The following CDH12 variants were observed in gnomAD, a reference collection of about 807,000 sequenced individuals.
CDH12 encodes the protein cadherin-12.
In CDH12, 41 loss-of-function variants were observed where a neutral mutation model predicts 74.1. The observed-to-expected ratio is 0.55, with a 90% confidence interval of 0.43 to 0.72. The LOEUF is 0.72. Ranked by LOEUF, CDH12 falls within the 30% of genes least tolerant of loss-of-function variation. The pLI is 0.00. For missense variants in CDH12, 945 were observed against 977.2 expected, an observed-to-expected ratio of 0.97 and a Z score of 0.44; for synonymous variants, 399 against 355.0, an observed-to-expected ratio of 1.12 and a Z score of -1.39.
At position 21,751,948 on chromosome 5, in the gene CDH12, T is replaced by A. The variant is rs770146101; in HGVS notation, c.2174A>T (p.Asp725Val). The A allele has an allele frequency of 6.2e-7, 1 of 1,614,086 alleles. No individual in the cohort carries two copies. Among genetic ancestry groups the A allele is most frequent in the Non-Finnish European group, 8.5e-7 (1 of 1,179,990 alleles). Residue 725 changes from aspartate to valine, a missense_variant, in exon 15 of 15, where the codon GAT becomes GTT. Coordinates refer to ENST00000382254, the MANE Select transcript of CDH12 (RefSeq NM_004061.5). The stretch of plus-strand genomic sequence containing the variant: ...GTATGGTGGGGCAGTTGGATCCACA[T>A]CATTTTCCTGTAGCCTTTGATGAAT... ...DFIHQRLQEN[D>V]VDPTAPPYDS... is the part of the protein sequence containing the mutation.
At chr5:22,535,402 C>T (rs918394254) in intron 1 of CDH12, among the ~76,000 whole-genome samples, 2 of 151,982 alleles carry the variant, frequency 1.3e-5, no homozygotes, top group Non-Finnish European at 2.9e-5. Context: ...GTGATCCGCC[C>T]GCCTTGGCCT....
At chr5:22,201,833 C>T (rs911722009) in intron 4 of CDH12, among the ~76,000 whole-genome samples, 9 of 151,984 alleles carry the variant, frequency 5.9e-5, no homozygotes, top group South Asian at 2.1e-4. Context: ...AATATGGTAA[C>T]GCGGCCATAA....
intron 3 of CDH12, among the ~76,000 whole-genome samples, chr5:22,235,915 G>C (rs1471214105): frequency 3.3e-5 from 5 of 152,180 alleles, no homozygotes; most frequent in Non-Finnish European, 7.3e-5. Flanking sequence ...GGGCTATATG[G>C]TGTACTCTAT....
chr5:22,573,640 T>C (rs747488692), intron 1 of CDH12, among the ~76,000 whole-genome samples: 2 of 152,198 alleles, frequency 1.3e-5, no homozygotes, highest in Non-Finnish European at 1.5e-5. Context: ...GGTAAAATTA[T>C]ATTGATCTTT....
At chr5:22,435,781 T>C (rs1317448508) in intron 2 of CDH12, among the ~76,000 whole-genome samples, 1 of 151,970 alleles carries the variant, frequency 6.6e-6, no homozygotes, top group Non-Finnish European at 1.5e-5. Context: ...GACCCTGCAC[T>C]TGATGGATCA....
At chr5:21,845,030 GAT>G (rs1491156997) in intron 7 of CDH12, among the ~76,000 whole-genome samples, 8 of 149,496 alleles carry the variant, frequency 5.4e-5, no homozygotes, top group African/African-American at 2.0e-4. Context: ...TAGATAGATA[GAT>G]AGATTAGATT....
intron 5 of CDH12, among the ~76,000 whole-genome samples, chr5:21,989,023 G>A (rs866123275): frequency 1.2e-4 from 18 of 152,112 alleles, no homozygotes; most frequent in African/African-American, 3.6e-4. Context: ...TGGATTGGAC[G>A]TTATAGCCAT....
Position 22,706,284 on chromosome 5 carries a change from T to A in CDH12, c.-523+146774A>T, listed in dbSNP as rs1199945176. ...GCTTCTGTTTATAACTTACAATTAT[T>A]CCCTTGATTATCTTTCTAAAAAGAA... On this transcript the variant is annotated intron_variant, in intron 1 of 14. Coordinates refer to ENST00000382254, the MANE Select transcript of CDH12 (RefSeq NM_004061.5). Among the ~76,000 whole-genome samples the A allele has an allele frequency of 2.0e-5, 3 of 152,210 alleles. No individual in the cohort carries two copies. In the East Asian group the frequency reaches 5.8e-4, roughly 29 times the overall value.
chr5:22,401,798 G>A (rs145278903), intron 3 of CDH12, among the ~76,000 whole-genome samples: 6 of 152,132 alleles, frequency 3.9e-5, no homozygotes, highest in Admixed American at 1.3e-4. Flanking sequence ...TCCAATAAGA[G>A]TATCTTTGTA....
intron 1 of CDH12, among the ~76,000 whole-genome samples, chr5:22,529,107 T>C (rs1055811663): frequency 9.2e-6 from 1 of 108,184 alleles, no homozygotes; most frequent in Non-Finnish European, 2.0e-5. Context: ...AATATATGCA[T>C]ATATATGCAT....
At chr5:22,401,905 G>A (rs1742745327) in intron 3 of CDH12, among the ~76,000 whole-genome samples, 1 of 152,176 alleles carries the variant, frequency 6.6e-6, no homozygotes, top group South Asian at 2.1e-4. Context: ...ACAAGCCAAG[G>A]AACATGAGGG....
intron 5 of CDH12, among the ~76,000 whole-genome samples, chr5:22,003,676 C>T (rs1736742756): frequency 6.6e-6 from 1 of 151,940 alleles, no homozygotes; most frequent in Non-Finnish European, 1.5e-5. Context: ...AAATACTTCA[C>T]TACCACACAG....
chr5:22,184,613 A>G (rs4555751), intron 4 of CDH12, among the ~76,000 whole-genome samples: 12,309 of 152,272 alleles, frequency 0.081, 770 homozygotes, highest in African/African-American at 0.18. Context: ...ATGCTGAGAA[A>G]GAAAGAATGG....
Position 21,817,119 on chromosome 5 carries a change from C to T in CDH12, c.828G>A (p.Leu276=), listed in dbSNP as rs910105365. ...PPRFPKSIFH[L]KVPESSPIGS... is the part of the protein sequence containing the mutation. ...CAATAGGGGAAGACTCAGGAACTTT[C>T]AAGTGGAAGATGCCTGATAAGACAT... Residue 276 remains leucine, a synonymous_variant, in exon 9 of 15, where the codon TTG becomes TTA. Transcript: ENST00000382254. The T allele has an allele frequency of 4.4e-6, 7 of 1,608,368 alleles. No individual in the cohort carries two copies. The highest frequency in any genetic ancestry group is 5.1e-6 in the Non-Finnish European group (6 of 1,177,238).
At chr5:21,769,430 G>A (rs1745202756) in intron 11 of CDH12, among the ~76,000 whole-genome samples, 2 of 152,014 alleles carry the variant, frequency 1.3e-5, no homozygotes, top group Admixed American at 6.6e-5. Context: ...GGAGATAAAT[G>A]TAAAATGACA....
intron 6 of CDH12, among the ~76,000 whole-genome samples, chr5:21,877,378 A>G (rs1751992531): frequency 6.6e-6 from 1 of 152,180 alleles, no homozygotes; most frequent in Non-Finnish European, 1.5e-5. Flanking sequence ...CTGTAAGTTA[A>G]CATCTAGAGA....
chr5:22,038,770 T>C (rs1358747935), intron 5 of CDH12, among the ~76,000 whole-genome samples: 1 of 152,092 alleles, frequency 6.6e-6, no homozygotes. Flanking sequence ...CATCACCTCA[T>C]TACCAAAGGA....
At chr5:22,360,116 C>A (rs1039018940) in intron 3 of CDH12, among the ~76,000 whole-genome samples, 1 of 152,038 alleles carries the variant, frequency 6.6e-6, no homozygotes, top group African/African-American at 2.4e-5. Flanking sequence ...CACAAAAAAA[C>A]CTTCAAAAAA....
chr5:22,309,971 T>TG (rs1280270121), intron 3 of CDH12, among the ~76,000 whole-genome samples: 5 of 29,422 alleles, frequency 1.7e-4, no homozygotes, highest in Non-Finnish European at 2.4e-4. Context: ...ATGGACACGG[T>TG]GGGGGGCATC....
Sources: gnomAD v4.1 joint callset for allele counts (sites outside exome capture counted in the v4.1 genomes callset) on GRCh38, gnomAD v4.1.1 for gene constraint, MANE v1.5 for transcripts, NCBI Gene and HGNC (gene_info 2026-07-23, HGNC 2026-07-21) for gene names.